The following ZNF646 variants were observed in gnomAD, a reference collection of about 807,000 sequenced individuals.
The protein encoded by ZNF646 is zinc finger protein 646.
ZNF646 carries 49 observed loss-of-function variants against 115.4 expected under a neutral mutation model. The ratio of observed to expected loss-of-function variants is 0.42; its 90% confidence interval spans 0.34 to 0.54. The LOEUF (loss-of-function observed/expected upper bound fraction) is 0.54, where lower values mean the gene tolerates loss of function less well. ZNF646 is among the 20% of genes least tolerant of loss of function. The pLI is 0.04. For missense variants in ZNF646, 2,269 were observed against 2,457.9 expected, an observed-to-expected ratio of 0.92 and a Z score of 1.62; for synonymous variants, 933 against 939.0, an observed-to-expected ratio of 0.99 and a Z score of 0.12.
chr16:31,082,954 T>A lies in ZNF646; in HGVS notation c.5378-17T>A. On this transcript the variant is annotated splice_polypyrimidine_tract_variant and intron_variant, in intron 2 of 2. Transcript: ENST00000300850. ...GTCTGCCCCTCAGTTGGTGACCTCCTCTCTCTCTCCCCCCAGGAGCCCCAG... is the reference window on the plus strand; with the variant it reads ...GTCTGCCCCTCAGTTGGTGACCTCCACTCTCTCTCCCCCCAGGAGCCCCAG... 1.3e-6 allele frequency: 2 copies of A among 1,560,168 alleles called. No individual in the cohort carries two copies. The highest frequency in any genetic ancestry group is 1.7e-6 in the Non-Finnish European group (2 of 1,152,166).
Position 31,080,540 on chromosome 16 carries a change from A to T in ZNF646, c.4216A>T (p.Ser1406Cys). Residue 1406 changes from serine (S) to cysteine (C), a missense_variant, in exon 2 of 3, where the codon AGT becomes TGT. By Grantham distance (112) the Ser-to-Cys change is moderately radical. This residue lies in a region of ZNF646 where 1,062 missense variants were observed against 1,172.8 expected (regional missense o/e 0.91). Coordinates refer to ENST00000300850, the MANE Select transcript of ZNF646 (RefSeq NM_014699.4). ...GQGGLDGTAA[S>C]EANLTGSQGL... ...GGGAGGCCTGGATGGCACAGCGGCC[A>T]GTGAGGCGAACCTGACTGGCAGCCA... The T allele has an allele frequency of 6.2e-7, 1 of 1,614,070 alleles. No homozygotes were observed. Among genetic ancestry groups the T allele is most frequent in the Admixed American group, 1.7e-5 (1 of 60,026 alleles).
At position 31,079,120 on chromosome 16, in the gene ZNF646, A is replaced by G. The variant is rs34223943; in HGVS notation, c.2796A>G (p.Pro932=). 541 of 1,596,978 alleles carry G rather than the reference A, an allele frequency of 3.4e-4. 4 individuals are homozygous for G. In the East Asian group the frequency reaches 1.0e-2, roughly 29 times the overall value. The change falls in exon 2 of 3, where the codon CCA becomes CCG. Residue 932 remains proline (P), a synonymous_variant. Coordinates refer to ENST00000300850, the MANE Select transcript of ZNF646 (RefSeq NM_014699.4). The surrounding 1 kb of genome is among the most constrained non-coding windows in gnomAD (Gnocchi z 5.5). ...VAEAAPARSP[P]LQLSEAELLN... ...AGGCAGCCCCTGCACGCAGTCCACC[A>G]CTGCAGCTCTCGGAAGCAGAGCTGC...
At position 31,079,097 on chromosome 16, in the gene ZNF646, G is replaced by A. The variant is rs1050277325; in HGVS notation, c.2773G>A (p.Ala925Thr). Residue 925 changes from alanine to threonine, a missense_variant, in exon 2 of 3, where the codon GCA (alanine) becomes ACA (threonine). Physicochemically the swap from Ala to Thr is moderately conservative, Grantham distance 58 (BLOSUM62 0). Around this residue, in one of 5 missense-constraint regions of ZNF646, gnomAD observed 852 missense variants for 900.2 expected, o/e 0.95. Coordinates refer to ENST00000300850, the MANE Select transcript of ZNF646 (RefSeq NM_014699.4). This position sits in a 1 kb window ranked among gnomAD's most constrained non-coding sequence, Gnocchi z 5.5. Reference protein sequence around the residue: ...EEGEEEGVAEAAPARSPPLQL... With the variant: ...EEGEEEGVAETAPARSPPLQL... The stretch of plus-strand genomic sequence containing the variant: ...GGGGGAAGAGGAAGGAGTGGCAGAG[G>A]CAGCCCCTGCACGCAGTCCACCACT... 1.3e-6 allele frequency: 2 copies of A among 1,578,950 alleles called. No individual in the cohort carries two copies. The highest frequency in any genetic ancestry group is 2.2e-5 in the East Asian group (1 of 44,446).
In ZNF646 at chr16:31,078,628, A is replaced by G; in HGVS notation, c.2304A>G (p.Leu768=). ...GACTGGAAAGGAAGGATGCCAGTTT[A>G]CTTGACAACTTGGACATCCCAGGTG... The part of the protein sequence containing the change: ...GEGLERKDAS[L]LDNLDIPGEE... The change falls in exon 2 of 3, where the codon TTA becomes TTG. Residue 768 remains leucine (L), a synonymous_variant. Transcript: ENST00000300850. 6.2e-7 allele frequency: 1 copy of G among 1,614,126 alleles called. No individual in the cohort carries two copies. The highest frequency in any genetic ancestry group is 8.5e-7 in the Non-Finnish European group (1 of 1,179,978).
Position 31,083,706 on chromosome 16 carries a change from C to CA in ZNF646, c.*615dup. On this transcript the variant is annotated 3_prime_UTR_variant, in exon 3 of 3. Transcript: ENST00000300850. ...GGGCCTGCCCTGGTGCCTGGAATCA[C>CA]ACATGACAGGGTGGGGAGGACAGGG... 1 of 1,610,536 alleles carries CA rather than the reference C, an allele frequency of 6.2e-7. No homozygotes were observed. Among genetic ancestry groups the CA allele is most frequent in the Non-Finnish European group, 8.5e-7 (1 of 1,178,700 alleles).
rs142694947 is a variant in ZNF646 at position 31,076,904 on chromosome 16, G to A, written c.580G>A (p.Ala194Thr). The change falls in exon 2 of 3, where the codon GCC becomes ACC. Residue 194 changes from alanine (A) to threonine (T), a missense_variant. Physicochemically the swap from Ala to Thr is moderately conservative, Grantham distance 58. Around this residue, in one of 5 missense-constraint regions of ZNF646, gnomAD observed 334 missense variants for 323.5 expected, o/e 1.03. Coordinates refer to ENST00000300850, the MANE Select transcript of ZNF646 (RefSeq NM_014699.4). ...ADGWGPSTNSARAPPLPIPAS... is the reference protein window; with the variant it reads ...ADGWGPSTNSTRAPPLPIPAS... ...CGGCTGGGGACCCTCCACTAACTCTGCCAGAGCCCCTCCTCTCCCCATCCC... is the reference window on the plus strand; with the variant it reads ...CGGCTGGGGACCCTCCACTAACTCTACCAGAGCCCCTCCTCTCCCCATCCC... 4 of 1,614,070 alleles carry A rather than the reference G, an allele frequency of 2.5e-6. No homozygotes were observed. Among genetic ancestry groups the A allele is most frequent in the Non-Finnish European group, 3.4e-6 (4 of 1,180,008 alleles).
rs747621927 is a variant in ZNF646, at chr16:31,076,960, G to T, written c.636G>T (p.Gln212His). Residue 212 changes from glutamine to histidine, a missense_variant, in exon 2 of 3, where the codon CAG becomes CAT. This residue lies in a region of ZNF646 where 334 missense variants were observed against 323.5 expected (regional missense o/e 1.03). Coordinates refer to ENST00000300850, the MANE Select transcript of ZNF646 (RefSeq NM_014699.4). Reference sequence around the variant, plus strand: ...GCAGCCTTCTTAGCAACTTGGAACAGTATCTGGCTGAATCAGTAGTGAACT... The same window carrying T: ...GCAGCCTTCTTAGCAACTTGGAACATTATCTGGCTGAATCAGTAGTGAACT... The part of the protein sequence containing the change: ...PASSLLSNLE[Q>H]YLAESVVNFT... 6.2e-7 allele frequency: 1 copy of T among 1,614,096 alleles called. No individual in the cohort carries two copies.
Position 31,083,977 on chromosome 16 carries a change from A to C in ZNF646, c.*885A>C. 6.7e-7 allele frequency: 1 copy of C among 1,500,494 alleles called. No homozygotes were observed. 92.9% of individuals were successfully genotyped at this position (1,500,494 alleles called of 1,614,324 possible). On this transcript the variant is annotated 3_prime_UTR_variant, in exon 3 of 3. Transcript: ENST00000300850. ...TGCTCCAAGTCACACGATGACAAAG[A>C]ACCAGAATCTGAATCAAATGGGTCT...
chr16:31,081,854 C>G, intron 2 of ZNF646, 153 bp downstream of exon 2: 1 of 1,295,790 alleles, frequency 7.7e-7, no homozygotes, highest in Non-Finnish European at 1.0e-6. Flanking sequence ...AGAGAAGTAG[C>G]TTGAGGATGT....
intron 2 of ZNF646, chr16:31,082,424 CT>C: frequency 5.4e-6 from 1 of 185,060 alleles, no homozygotes. Context: ...CTCTGCACAC[CT>C]TTAACTGGAG....
In ZNF646 at chr16:31,076,635, G is replaced by A. The variant is rs2057080117; in HGVS notation, c.311G>A (p.Arg104Lys). 1 of 1,612,850 alleles carries A rather than the reference G, an allele frequency of 6.2e-7. No individual in the cohort carries two copies. Among genetic ancestry groups the A allele is most frequent in the African/African-American group, 1.3e-5 (1 of 74,920 alleles). ...MRTHAPEGRR[R>K]HRPPRPKEAT... ...ACACATGCTCCTGAGGGCCGCCGCA[G>A]GCACAGGCCCCCACGCCCCAAGGAA... The change falls in exon 2 of 3, where the codon AGG becomes AAG. Residue 104 changes from arginine to lysine, a missense_variant. Physicochemically the swap from Arg to Lys is conservative, Grantham distance 26 (BLOSUM62 2). Coordinates refer to ENST00000300850, the MANE Select transcript of ZNF646 (RefSeq NM_014699.4).
chr16:31,081,852 A>G (rs1252709422), intron 2 of ZNF646, 151 bp downstream of exon 2: 3 of 1,308,092 alleles, frequency 2.3e-6, no homozygotes, highest in African/African-American at 1.5e-5. Context: ...TGAGAGAAGT[A>G]GCTTGAGGAT....
chr16:31,076,955 G>A lies in ZNF646; in HGVS notation c.631G>A (p.Glu211Lys). 1.9e-6 allele frequency: 3 copies of A among 1,614,082 alleles called. No homozygotes were observed. The highest frequency in any genetic ancestry group is 2.5e-6 in the Non-Finnish European group (3 of 1,179,972). Residue 211 changes from glutamate (E) to lysine (K), a missense_variant, in exon 2 of 3, where the codon GAA (glutamate) becomes AAA (lysine). Coordinates refer to ENST00000300850, the MANE Select transcript of ZNF646 (RefSeq NM_014699.4). Reference protein sequence around the residue: ...IPASSLLSNLEQYLAESVVNF... With the variant: ...IPASSLLSNLKQYLAESVVNF... ...AGCCAGCAGCCTTCTTAGCAACTTGGAACAGTATCTGGCTGAATCAGTAGT... is the reference window on the plus strand; with the variant it reads ...AGCCAGCAGCCTTCTTAGCAACTTGAAACAGTATCTGGCTGAATCAGTAGT...
chr16:31,081,821 G>A, intron 2 of ZNF646, 120 bp downstream of exon 2: 3 of 1,417,322 alleles, frequency 2.1e-6, no homozygotes, highest in African/African-American at 1.4e-5. Flanking sequence ...CTAAGAGGTG[G>A]GTGGGGGCTT....
Position 31,080,481 on chromosome 16 carries a change from A to G in ZNF646, c.4157A>G (p.His1386Arg), listed in dbSNP as rs774403851. 1 of 1,613,542 alleles carries G rather than the reference A, an allele frequency of 6.2e-7. No homozygotes were observed. The highest frequency in any genetic ancestry group is 1.1e-5 in the South Asian group (1 of 91,090). Residue 1386 changes from histidine (H) to arginine (R), a missense_variant, in exon 2 of 3, where the codon CAT (histidine) becomes CGT (arginine). Physicochemically the swap from His to Arg is conservative, Grantham distance 29 (BLOSUM62 0). Coordinates refer to ENST00000300850, the MANE Select transcript of ZNF646 (RefSeq NM_014699.4). ...TCTTTGGAGCGGCACCTGCGGGAGC[A>G]TGAGGAGACAGAAAGGGAGCCAGCC... ...RGSLERHLRE[H>R]EETEREPANG... is the part of the protein sequence containing the mutation.
In ZNF646 at chr16:31,080,314, C is replaced by G; in HGVS notation, c.3990C>G (p.Thr1330=). 1.2e-6 allele frequency: 2 copies of G among 1,613,536 alleles called. No individual in the cohort carries two copies. The highest frequency in any genetic ancestry group is 8.5e-7 in the Non-Finnish European group (1 of 1,179,918). ...AGACGGGCCAGTACAGCTGCCCCAC[C>G]TGCCCCAAGACCTACTCCAACCGCA... is the stretch of plus-strand genomic sequence containing the variant. ...SHETGQYSCP[T]CPKTYSNRMA... is the part of the protein sequence containing the mutation. The change falls in exon 2 of 3, where the codon ACC becomes ACG. Residue 1330 remains threonine, a synonymous_variant. Transcript: ENST00000300850.
chr16:31,074,052 T>C (rs1011929669), upstream of ZNF646: 18 of 152,226 alleles, frequency 1.2e-4, no homozygotes, highest in Admixed American at 8.5e-4. Flanking sequence ...TTCCACAACA[T>C]TTCCTTTAAT....
rs377285471 is a variant in ZNF646 at position 31,083,098 on chromosome 16, A to G, written c.*6A>G. On this transcript the variant is annotated 3_prime_UTR_variant, in exon 3 of 3. Coordinates refer to ENST00000300850, the MANE Select transcript of ZNF646 (RefSeq NM_014699.4). ...ACCTCAGCTTCTCCCTCTGAACTTCAAGTCTCCAAAGATCAGAATCTGGGG... is the reference window on the plus strand; with the variant it reads ...ACCTCAGCTTCTCCCTCTGAACTTCGAGTCTCCAAAGATCAGAATCTGGGG... The G allele has an allele frequency of 8.7e-6, 14 of 1,601,128 alleles. No individual in the cohort carries two copies. Among genetic ancestry groups the G allele is most frequent in the Admixed American group, 1.7e-5 (1 of 57,638 alleles).
At position 31,083,464 on chromosome 16, in the gene ZNF646, T is replaced by C; in HGVS notation, c.*372T>C. On this transcript the variant is annotated 3_prime_UTR_variant, in exon 3 of 3. Coordinates refer to ENST00000300850, the MANE Select transcript of ZNF646 (RefSeq NM_014699.4). ...TATTTTGTAACAATTTATTTAAGTT[T>C]AAAAAAAGGAAAACTGCTGCCCCCC... is the stretch of plus-strand genomic sequence containing the variant. 1 of 1,312,322 alleles carries C rather than the reference T, an allele frequency of 7.6e-7. No homozygotes were observed. Among genetic ancestry groups the C allele is most frequent in the Non-Finnish European group, 9.8e-7 (1 of 1,023,660 alleles). 81.3% of individuals were successfully genotyped at this position (1,312,322 alleles called of 1,614,324 possible). A position where few individuals can be genotyped will look rare whatever the true frequency, so the allele number is the denominator to read the frequency against.
Sources: allele counts gnomAD v4.1 joint callset, GRCh38; gene constraint gnomAD v4.1.1; regional missense constraint gnomAD v4.1.1; non-coding constraint Gnocchi (gnomAD v3.1); transcripts MANE v1.5; gene names NCBI Gene and HGNC (gene_info 2026-07-23, HGNC 2026-07-21).